GOLGA6L7: variants seen among roughly 807,000 people sequenced by gnomAD.
GOLGA6L7 encodes the protein golgin A6 family like 7.
GOLGA6L7 carries 29 observed loss-of-function variants against 68.9 expected under a neutral mutation model. The ratio of observed to expected loss-of-function variants is 0.42; its 90% CI spans 0.31 to 0.57. The LOEUF (loss-of-function observed/expected upper bound fraction) is 0.57. Among genes scored for constraint, GOLGA6L7 ranks in the 20% least tolerant of loss-of-function variants. The probability of loss-of-function intolerance (pLI) is 0.13; values close to 1 mark genes in which losing one functional copy is unlikely to be tolerated. For missense variants in GOLGA6L7, 396 were observed against 588.4 expected (o/e 0.67, Z 3.38); for synonymous variants, 133 against 197.4 (o/e 0.67, Z 2.73).
At chr15:28,845,269 G>C (rs1289644630) in intron 6 of GOLGA6L7, 3 of 585,326 alleles carry the variant, frequency 5.1e-6, no homozygotes. Context: ...TTTGACCAAG[G>C]CCACAGCCAA....
chr15:28,846,589 A>G lies in GOLGA6L7; in HGVS notation c.181-340T>C, dbSNP rs537551484. On this transcript the variant is annotated intron_variant, in intron 2 of 8. Coordinates refer to ENST00000567390, the MANE Select transcript of GOLGA6L7 (RefSeq NM_001365371.2). ...TTCAACAAGCATTGAGCAAGCACAT[A>G]GGGGCCGGGGACGGTTCTTCACTGC... The G allele has an allele frequency of 5.6e-5, 26 of 462,934 alleles. No homozygotes were observed. In the East Asian group the frequency reaches 1.1e-3, roughly 20 times the overall value. The allele number at this position is 462,934 out of a possible 1,614,324, so 28.7% of individuals were successfully genotyped here.
At chr15:28,843,910 A>C (rs2030310714) in intron 7 of GOLGA6L7, 35 bp from the exon 8 acceptor site, 2 of 967,774 alleles carry the variant, frequency 2.1e-6, no homozygotes, top group African/African-American at 3.3e-5. Flanking sequence ...GGAATGAACG[A>C]AGAACAGAAA....
Position 28,842,593 on chromosome 15 carries a change from T to G in GOLGA6L7, c.1511A>C (p.Glu504Ala). ...KQVERLQFKE[E>A]RLWDEYEKMQ... ...CTTCTCATACTCATCCCACAGCCTC[T>G]CCTCCTTGAATTGCAGCCTCTCCAC... is the stretch of plus-strand genomic sequence containing the variant. Residue 504 changes from glutamate (E) to alanine (A), a missense_variant, in exon 9 of 9, where the codon GAG becomes GCG. This residue lies in a region of GOLGA6L7 where 125 missense variants were observed against 163.3 expected (regional missense o/e 0.77). Coordinates refer to ENST00000567390, the MANE Select transcript of GOLGA6L7 (RefSeq NM_001365371.2). The G allele has an allele frequency of 7.8e-7, 1 of 1,289,928 alleles. No individual in the cohort carries two copies. Among genetic ancestry groups the G allele is most frequent in the Non-Finnish European group, 9.8e-7 (1 of 1,023,096 alleles). The allele number at this position is 1,289,928 out of a possible 1,614,324, so 79.9% of individuals were successfully genotyped here.
chr15:28,846,923 C>A lies in GOLGA6L7; in HGVS notation c.180+141G>T, dbSNP rs79659475. ...GCAATTTTCCCTAAACCGTGTCCCTCGCAGTTGGAGAGAGAAGTAGGACTC... is the reference window on the plus strand; with the variant it reads ...GCAATTTTCCCTAAACCGTGTCCCTAGCAGTTGGAGAGAGAAGTAGGACTC... On this transcript the variant is annotated intron_variant, in intron 2 of 8. Coordinates refer to ENST00000567390, the MANE Select transcript of GOLGA6L7 (RefSeq NM_001365371.2). The A allele has an allele frequency of 5.4e-3, 2,742 of 507,010 alleles. 2 individuals are homozygous for A. The African/African-American group carries it at 0.081, about 15-fold the overall frequency. The allele number at this position is 507,010 out of a possible 1,614,324, so 31.4% of individuals were successfully genotyped here. A position where few individuals can be genotyped will look rare whatever the true frequency, so the allele number is the denominator to read the frequency against.
intron 1 of GOLGA6L7, among the ~76,000 whole-genome samples, chr15:28,848,185 G>A (rs1289514989): frequency 1.3e-5 from 2 of 152,172 alleles, no homozygotes; most frequent in African/African-American, 4.8e-5. Flanking sequence ...GGGGCATCCG[G>A]TTCCTTGGGA....
At position 28,842,533 on chromosome 15, in the gene GOLGA6L7, A is replaced by G; in HGVS notation, c.1571T>C (p.Val524Ala). The change falls in exon 9 of 9, where the codon GTG becomes GCG. Residue 524 changes from valine (V) to alanine (A), a missense_variant. Coordinates refer to ENST00000567390, the MANE Select transcript of GOLGA6L7 (RefSeq NM_001365371.2). Reference sequence around the variant, plus strand: ...CTCCTTCTTCTCCCGCCTCTTCTCCACCTGCCTCCGGATCTTCTCCTCCTC... The same window carrying G: ...CTCCTTCTTCTCCCGCCTCTTCTCCGCCTGCCTCCGGATCTTCTCCTCCTC... The part of the protein sequence containing the change: ...QEEEEKIRRQ[V>A]EKRREKKERM... 8.9e-6 allele frequency: 11 copies of G among 1,234,462 alleles called. No individual in the cohort carries two copies. The highest frequency in any genetic ancestry group is 1.1e-5 in the Non-Finnish European group (11 of 984,456). 76.5% of individuals were successfully genotyped at this position (1,234,462 alleles called of 1,614,324 possible). A position where few individuals can be genotyped will look rare whatever the true frequency, so the allele number is the denominator to read the frequency against.
At chr15:28,847,838 A>G (rs958248292) in intron 1 of GOLGA6L7, among the ~76,000 whole-genome samples, 1 of 152,250 alleles carries the variant, frequency 6.6e-6, no homozygotes, top group Non-Finnish European at 1.5e-5. Flanking sequence ...TCTCACTTCA[A>G]AGATCACTGA....
intron 1 of GOLGA6L7, among the ~76,000 whole-genome samples, chr15:28,848,191 TG>T (rs2030510602): frequency 6.6e-6 from 1 of 151,808 alleles, no homozygotes; most frequent in African/African-American, 2.4e-5. Flanking sequence ...TCCGGTTCCT[TG>T]GGAACGTGAG....
Position 28,842,911 on chromosome 15 carries a change from C to T in GOLGA6L7, c.1193G>A (p.Arg398Gln), listed in dbSNP as rs535938904. 7 of 1,199,506 alleles carry T rather than the reference C, an allele frequency of 5.8e-6. No individual in the cohort carries two copies. In the South Asian group the frequency reaches 1.1e-4, roughly 19 times the overall value. The allele number at this position is 1,199,506 out of a possible 1,614,324, so 74.3% of individuals were successfully genotyped here. ...CTTCCACATCTGCTCCTCCTGCTTT[C>T]GCATCTGCTCCTCCTGCTCCCCTAT... Reference protein sequence around the residue: ...EQIGEQEEQMRKQEEQMWKQE... With the variant: ...EQIGEQEEQMQKQEEQMWKQE... The change falls in exon 9 of 9, where the codon CGA becomes CAA. Residue 398 changes from arginine to glutamine, a missense_variant. By Grantham distance (43) the Arg-to-Gln change is conservative. Coordinates refer to ENST00000567390, the MANE Select transcript of GOLGA6L7 (RefSeq NM_001365371.2).
rs1246997200 is a variant in GOLGA6L7 at position 28,843,424 on chromosome 15, A to C, written c.680T>G (p.Leu227Trp). ...CTCCTGCCTCCACATCTTCTCCTGCAAAGTGTTGGTTTGAACCTCAAAAGG... is the reference window on the plus strand; with the variant it reads ...CTCCTGCCTCCACATCTTCTCCTGCCAAGTGTTGGTTTGAACCTCAAAAGG... ...IPLPQVQTNT[L>W]QEKMWRQEEE... The change falls in exon 9 of 9, where the codon TTG becomes TGG. Residue 227 changes from leucine (L) to tryptophan (W), a missense_variant. Physicochemically the swap from Leu to Trp is moderately conservative, Grantham distance 61. Coordinates refer to ENST00000567390, the MANE Select transcript of GOLGA6L7 (RefSeq NM_001365371.2). 1.3e-6 allele frequency: 1 copy of C among 767,774 alleles called. No individual in the cohort carries two copies. The highest frequency in any genetic ancestry group is 1.8e-6 in the Non-Finnish European group (1 of 563,478). 47.6% of individuals were successfully genotyped at this position (767,774 alleles called of 1,614,324 possible).
In GOLGA6L7 at chr15:28,842,314, C is replaced by G; in HGVS notation, c.1790G>C (p.Arg597Pro). The G allele has an allele frequency of 1.6e-6, 2 of 1,230,802 alleles. No individual in the cohort carries two copies. Among genetic ancestry groups the G allele is most frequent in the Non-Finnish European group, 2.0e-6 (2 of 985,508 alleles). 76.2% of individuals were successfully genotyped at this position (1,230,802 alleles called of 1,614,324 possible). ...LPPGMKNAQE[R>P]PGLGSTSCIP... ...GCAGGAGGTGCTGCCTAAGCCTGGGCGCTCCTGGGCGTTCTTCATTCCAGG... is the reference window on the plus strand; with the variant it reads ...GCAGGAGGTGCTGCCTAAGCCTGGGGGCTCCTGGGCGTTCTTCATTCCAGG... Residue 597 changes from arginine (R) to proline (P), a missense_variant, in exon 9 of 9, where the codon CGC becomes CCC. Transcript: ENST00000567390.
chr15:28,845,141 CA>C, intron 6 of GOLGA6L7: 2 of 390,046 alleles, frequency 5.1e-6, no homozygotes, highest in South Asian at 4.2e-5. Context: ...CACACACACA[CA>C]CACACACACA....
At position 28,848,602 on chromosome 15, in the gene GOLGA6L7, A is replaced by G; in HGVS notation, c.-53T>C. ...TCACATTGGCGTGATCCAGGCGAGG[A>G]CAGTGATATGCCTCCAGTCACGTAC... On this transcript the variant is annotated 5_prime_UTR_variant, in exon 1 of 9. Transcript: ENST00000567390. 1 of 725,134 alleles carries G rather than the reference A, an allele frequency of 1.4e-6. No individual in the cohort carries two copies. The highest frequency in any genetic ancestry group is 2.5e-6 in the Non-Finnish European group (1 of 396,858). 44.9% of individuals were successfully genotyped at this position (725,134 alleles called of 1,614,324 possible). A position where few individuals can be genotyped will look rare whatever the true frequency, so the allele number is the denominator to read the frequency against.
At position 28,847,044 on chromosome 15, in the gene GOLGA6L7, A is replaced by C. The variant is rs181819905; in HGVS notation, c.180+20T>G. The C allele has an allele frequency of 0.025, 23,852 of 958,710 alleles. 372 individuals carry two copies. The highest frequency in any genetic ancestry group is 0.2 in the African/African-American group (7,040 of 34,484). The allele number at this position is 958,710 out of a possible 1,614,324, so 59.4% of individuals were successfully genotyped here. A position where few individuals can be genotyped will look rare whatever the true frequency, so the allele number is the denominator to read the frequency against. On this transcript the variant is annotated intron_variant, in intron 2 of 8. Transcript: ENST00000567390. ...CCCTTGTGCCCCTTGTCCTCAGGAG[A>C]CCGGCCAGCCAAGACTCACATCCTC...
chr15:28,845,481 A>C (rs1331654028), intron 6 of GOLGA6L7, 48 bp downstream of exon 6: 1 of 701,948 alleles, frequency 1.4e-6, no homozygotes, highest in Admixed American at 2.0e-5. Context: ...TCATTCCTCC[A>C]TCTGCGAAGC....
At chr15:28,845,445 G>A in intron 6 of GOLGA6L7, 84 bp downstream of exon 6, 2 of 700,512 alleles carry the variant, frequency 2.9e-6, no homozygotes. Flanking sequence ...GCAGGACACT[G>A]CATCCTGCAG....
chr15:28,844,212 T>C lies in GOLGA6L7; in HGVS notation c.514A>G (p.Arg172Gly), dbSNP rs2030324914. 2 of 288,382 alleles carry C rather than the reference T, an allele frequency of 6.9e-6. No homozygotes were observed. The highest frequency in any genetic ancestry group is 6.3e-6 in the Non-Finnish European group (1 of 159,598). 17.9% of individuals were successfully genotyped at this position (288,382 alleles called of 1,614,324 possible). A position where few individuals can be genotyped will look rare whatever the true frequency, so the allele number is the denominator to read the frequency against. ...CCCCCTCCCCTATCCTACATGTTCC[T>C]GAACAGCTCCAGACTCATGGCTTCC... ...EREAMSLELFRNIITNKELKE... is the reference protein window; with the variant it reads ...EREAMSLELFGNIITNKELKE... Residue 172 changes from arginine (R) to glycine (G), a missense_variant, in exon 7 of 9, where the codon AGG (arginine) becomes GGG (glycine). By Grantham distance (125) the Arg-to-Gly change is moderately radical (BLOSUM62 -2). Around this residue, in one of 5 missense-constraint regions of GOLGA6L7, gnomAD observed 125 missense variants for 119.4 expected, o/e 1.05. Coordinates refer to ENST00000567390, the MANE Select transcript of GOLGA6L7 (RefSeq NM_001365371.2).
At position 28,842,470 on chromosome 15, in the gene GOLGA6L7, C is replaced by T. The variant is rs531448726; in HGVS notation, c.1634G>A (p.Cys545Tyr). 2.2e-5 allele frequency: 25 copies of T among 1,141,470 alleles called. No individual in the cohort carries two copies. In the African/African-American group the frequency reaches 3.4e-4, roughly 15 times the overall value. The allele number at this position is 1,141,470 out of a possible 1,614,324, so 70.7% of individuals were successfully genotyped here. The change falls in exon 9 of 9, where the codon TGC (cysteine) becomes TAC (tyrosine). Residue 545 changes from cysteine to tyrosine, a missense_variant. This residue lies in a region of GOLGA6L7 where 125 missense variants were observed against 163.3 expected (regional missense o/e 0.77). Coordinates refer to ENST00000567390, the MANE Select transcript of GOLGA6L7 (RefSeq NM_001365371.2). The part of the protein sequence containing the change: ...GEQEKTQEER[C>Y]SEPCLPPSKY... ...GGAGGGAGGGAGGCAGGGCTCTGAG[C>T]ACCGCTCCTCCTGCGTCTTCTCCTG...
In GOLGA6L7 at chr15:28,842,924, C is replaced by G; in HGVS notation, c.1180G>C (p.Glu394Gln). 8.3e-7 allele frequency: 1 copy of G among 1,206,264 alleles called. No individual in the cohort carries two copies. The highest frequency in any genetic ancestry group is 1.0e-6 in the Non-Finnish European group (1 of 990,938). The allele number at this position is 1,206,264 out of a possible 1,614,324, so 74.7% of individuals were successfully genotyped here. The change falls in exon 9 of 9, where the codon GAG becomes CAG. Residue 394 changes from glutamate (E) to glutamine (Q), a missense_variant. Physicochemically the swap from Glu to Gln is conservative, Grantham distance 29 (BLOSUM62 2). Transcript: ENST00000567390. ...WKQEEQIGEQ[E>Q]EQMRKQEEQM... ...TCCTCCTGCTTTCGCATCTGCTCCT[C>G]CTGCTCCCCTATCTGCTCCTCCTGC...
Sources: gnomAD v4.1 joint callset for allele counts (sites outside exome capture counted in the v4.1 genomes callset) on GRCh38, gnomAD v4.1.1 for gene constraint, gnomAD v4.1.1 regional missense constraint, MANE v1.5 for transcripts, NCBI Gene and HGNC (gene_info 2026-07-23, HGNC 2026-07-21) for gene names.